The following MATR3 variants were observed in gnomAD, a reference collection of about 807,000 sequenced individuals.
MATR3 encodes the protein matrin 3, also known as matrin-3.
Under a neutral mutation model 85.5 loss-of-function variants are expected in MATR3, and 4 were observed. That is an observed-to-expected ratio of 0.05 (90% CI 0.02 to 0.11). MATR3 has a LOEUF of 0.11. MATR3 is among the 10% of genes least tolerant of loss of function. MATR3 has a pLI of 1.00. For missense variants in MATR3, 685 were observed against 1,016.1 expected, an observed-to-expected ratio of 0.67 and a Z score of 4.43; for synonymous variants, 336 against 343.1, an observed-to-expected ratio of 0.98 and a Z score of 0.23.
chr5:139,309,988 G>A (rs1263641554), intron 2 of MATR3: 1 of 152,138 alleles, frequency 6.6e-6, no homozygotes, highest in Non-Finnish European at 1.5e-5. Flanking sequence ...GTGATGTGAA[G>A]GGACTTAAAA....
At chr5:139,293,963 G>T in intron 1 of MATR3, 158 bp downstream of exon 1, 1 of 1,259,354 alleles carries the variant, frequency 7.9e-7, no homozygotes, top group Non-Finnish European at 1.0e-6. Flanking sequence ...TATGTGAGCC[G>T]CCTGATCGGC....
At chr5:139,300,750 C>G (rs1398500235) in intron 1 of MATR3, among the ~76,000 whole-genome samples, 3 of 152,212 alleles carry the variant, frequency 2.0e-5, no homozygotes, top group Non-Finnish European at 4.4e-5. Flanking sequence ...TCAAGTGATT[C>G]TTCTGCCTCA....
In MATR3 at chr5:139,319,043, A is replaced by AT. The variant is rs766270549; in HGVS notation, c.1434+17dup. The AT allele has an allele frequency of 6.2e-7, 1 of 1,605,920 alleles. No homozygotes were observed. The highest frequency in any genetic ancestry group is 8.5e-7 in the Non-Finnish European group (1 of 1,172,986). Reference sequence around the variant, plus strand: ...GTATAAAAGAATAAAGGTAATGTTTATTTTTTTCAAGCTGTATATCAGTTT... The same window carrying AT: ...GTATAAAAGAATAAAGGTAATGTTTATTTTTTTTCAAGCTGTATATCAGTTT... On this transcript the variant is annotated intron_variant, in intron 8 of 14. Transcript: ENST00000394805.
In MATR3 at chr5:139,331,659, A is replaced by T. The variant is rs1756156301; in HGVS notation, c.*2264A>T. ...ACATTATCCTACAAAAGTGAATGAA[A>T]CTTCTAGAAGTACCTTGAGTTTGTT... On this transcript the variant is annotated 3_prime_UTR_variant, in exon 15 of 15. Coordinates refer to ENST00000394805, the MANE Select transcript of MATR3 (RefSeq NM_018834.6). 2.2e-6 allele frequency: 1 copy of T among 445,640 alleles called. No homozygotes were observed. The highest frequency in any genetic ancestry group is 2.0e-5 in the African/African-American group (1 of 49,522). 27.6% of individuals were successfully genotyped at this position (445,640 alleles called of 1,614,324 possible). A position where few individuals can be genotyped will look rare whatever the true frequency, so the allele number is the denominator to read the frequency against.
chr5:139,296,187 A>AT (rs902073098), intron 1 of MATR3, among the ~76,000 whole-genome samples: 4 of 152,090 alleles, frequency 2.6e-5, no homozygotes, highest in Non-Finnish European at 4.4e-5. Flanking sequence ...GTTATTAAGA[A>AT]TTTTTTTTAA....
chr5:139,294,675 ATAGTAT>A (rs926092621), intron 1 of MATR3: 31 of 152,218 alleles, frequency 2.0e-4, no homozygotes, highest in African/African-American at 7.0e-4. Context: ...CTTTATCAAA[ATAGTAT>A]TAGTCCAGGT....
intron 6 of MATR3, 63 bp downstream of exon 6, chr5:139,317,168 A>G (rs1755293448): frequency 6.8e-7 from 1 of 1,481,328 alleles, no homozygotes; most frequent in Non-Finnish European, 9.4e-7. Flanking sequence ...TTTGACCTAA[A>G]TCCTTACTAG....
chr5:139,326,721 G>C (rs1030303981), intron 14 of MATR3, among the ~76,000 whole-genome samples: 5 of 152,082 alleles, frequency 3.3e-5, no homozygotes, highest in Non-Finnish European at 7.4e-5. Flanking sequence ...CACCGCGCCT[G>C]GCCTTTTCTT....
chr5:139,295,352 G>T (rs185751893), intron 1 of MATR3, among the ~76,000 whole-genome samples: 1 of 152,292 alleles, frequency 6.6e-6, no homozygotes, highest in East Asian at 1.9e-4. Context: ...AATACTGCAT[G>T]AAGTTTCTTG....
At chr5:139,311,346 T>G (rs911711248) in intron 2 of MATR3, 1 of 152,232 alleles carries the variant, frequency 6.6e-6, no homozygotes, top group Admixed American at 6.5e-5. Flanking sequence ...TTTATTAATC[T>G]GATTTTACAG....
chr5:139,295,604 A>T (rs1017511508), intron 1 of MATR3, among the ~76,000 whole-genome samples: 7 of 152,240 alleles, frequency 4.6e-5, no homozygotes, highest in Non-Finnish European at 1.0e-4. Context: ...GTCTTTAAAC[A>T]TACTAATTTT....
rs1327411677 is a variant in MATR3 at position 139,298,506 on chromosome 5, T to C, written c.-178+4701T>C. Among the ~76,000 whole-genome samples, 3 of 152,308 alleles carry C rather than the reference T, an allele frequency of 2.0e-5. No homozygotes were observed. The East Asian group carries it at 5.8e-4, about 29-fold the overall frequency. On this transcript the variant is annotated intron_variant, in intron 1 of 14. Coordinates refer to ENST00000394805, the MANE Select transcript of MATR3 (RefSeq NM_018834.6). The stretch of plus-strand genomic sequence containing the variant: ...ATTGCTTGAACCTGGGAGGCGGAAG[T>C]TGCAGTGAGGCGAGATCGTGCCACT...
At chr5:139,303,002 T>G (rs2151948130) in intron 1 of MATR3, among the ~76,000 whole-genome samples, 1 of 152,248 alleles carries the variant, frequency 6.6e-6, no homozygotes, top group East Asian at 1.9e-4. Context: ...GGTTAAACCA[T>G]AAATAATCTT....
intron 1 of MATR3, among the ~76,000 whole-genome samples, chr5:139,298,909 A>C (rs1033912368): frequency 2.0e-5 from 3 of 152,366 alleles, no homozygotes; most frequent in Admixed American, 6.5e-5. Context: ...TGATACCTAT[A>C]TTGCAGTGAA....
intron 1 of MATR3, chr5:139,276,046 T>G: frequency 2.2e-6 from 1 of 456,706 alleles, no homozygotes. Context: ...TAAGTTACCG[T>G]GTTTTGAGGG....
intron 3 of MATR3, among the ~76,000 whole-genome samples, chr5:139,287,614 T>C (rs1038915307): frequency 6.6e-6 from 1 of 151,276 alleles, no homozygotes; most frequent in Non-Finnish European, 1.5e-5. Context: ...CAAAACTCCG[T>C]CTCTAAAAAA....
chr5:139,316,997 G>A (rs1274121933), intron 5 of MATR3, 56 bp from the exon 6 acceptor site: 1 of 1,435,546 alleles, frequency 7.0e-7, no homozygotes, highest in African/African-American at 1.4e-5. Flanking sequence ...CAGTAAAATT[G>A]CTTCTTTAAG....
At chr5:139,320,459 C>T (rs1390997723) in intron 9 of MATR3, among the ~76,000 whole-genome samples, 3 of 151,988 alleles carry the variant, frequency 2.0e-5, no homozygotes, top group Admixed American at 6.6e-5. Flanking sequence ...TTTTTTTTAA[C>T]CAGGCAAAGT....
At chr5:139,315,960 A>G in intron 4 of MATR3, 116 bp from the exon 5 acceptor site, 1 of 856,514 alleles carries the variant, frequency 1.2e-6, no homozygotes, top group Non-Finnish European at 2.0e-6. Context: ...CTTCACAGAT[A>G]CTCTGAAAGA....
Sources: allele counts gnomAD v4.1 joint callset (sites outside exome capture counted in the v4.1 genomes callset), GRCh38; gene constraint gnomAD v4.1.1; transcripts MANE v1.5; gene names NCBI Gene and HGNC (gene_info 2026-07-23, HGNC 2026-07-21).